Variants in BRAP observed in about 807,000 individuals in gnomAD.
The protein encoded by BRAP is BRCA1 associated protein.
A neutral mutation model predicts 73.4 loss-of-function variants in BRAP; 42 were observed. That is an observed-to-expected ratio of 0.57 (90% confidence interval 0.45 to 0.74). The LOEUF (loss-of-function observed/expected upper bound fraction) is 0.74, where lower values mean the gene tolerates loss of function less well. BRAP is among the 30% of genes least tolerant of loss of function. BRAP has a pLI of 0.00. For missense variants in BRAP, 593 were observed against 751.4 expected (o/e 0.79, Z 2.46); for synonymous variants, 255 against 267.4 (o/e 0.95, Z 0.45).
At chr12:111,648,548 G>C (rs1343082781) in intron 11 of BRAP, among the ~76,000 whole-genome samples, 4 of 138,526 alleles carry the variant, frequency 2.9e-5, no homozygotes, top group South Asian at 2.3e-4. Flanking sequence ...GGAGGCGGAG[G>C]TTGCAGTGAA....
intron 9 of BRAP, among the ~76,000 whole-genome samples, chr12:111,657,105 G>A (rs56085333): frequency 0.015 from 2,354 of 152,172 alleles, 72 homozygotes; most frequent in African/African-American, 0.053. Context: ...GTGCAATGGC[G>A]CCATCTGGGC....
chr12:111,649,302 G>A (rs1031872132), intron 11 of BRAP, among the ~76,000 whole-genome samples: 4 of 152,060 alleles, frequency 2.6e-5, no homozygotes, highest in South Asian at 2.1e-4. Context: ...ACAGGTATGC[G>A]CCACCATGCC....
intron 5 of BRAP, among the ~76,000 whole-genome samples, chr12:111,668,732 C>G (rs1286271101): frequency 3.3e-5 from 5 of 151,708 alleles, no homozygotes; most frequent in Non-Finnish European, 7.4e-5. Flanking sequence ...TCTCGGCTCA[C>G]TGCAAGCTCC....
chr12:111,655,632 C>T lies in BRAP; in HGVS notation c.1245G>A (p.Gln415=), dbSNP rs768427478. The stretch of plus-strand genomic sequence containing the variant: ...CCCAGTAGATTCGCTGAGATTCCAG[C>T]TGGCTTGTTAGTAAATATGAATACT... ...QLEYSYLLTS[Q]LESQRIYWEN... The change falls in exon 10 of 12, where the codon CAG becomes CAA. Residue 415 remains glutamine (Q), a synonymous_variant. Coordinates refer to ENST00000419234, the MANE Select transcript of BRAP (RefSeq NM_006768.5). 1 of 1,613,168 alleles carries T rather than the reference C, an allele frequency of 6.2e-7. No homozygotes were observed. Among genetic ancestry groups the T allele is most frequent in the South Asian group, 1.1e-5 (1 of 91,058 alleles).
chr12:111,657,490 C>T (rs1474219853), intron 9 of BRAP, among the ~76,000 whole-genome samples: 1 of 152,156 alleles, frequency 6.6e-6, no homozygotes, highest in Non-Finnish European at 1.5e-5. Flanking sequence ...TACTATCAGA[C>T]CTTTAAGAGT....
At chr12:111,663,784 A>C (rs962389095) in intron 6 of BRAP, among the ~76,000 whole-genome samples, 4 of 152,148 alleles carry the variant, frequency 2.6e-5, no homozygotes, top group African/African-American at 9.7e-5. Flanking sequence ...TGCATGTACC[A>C]AGGCTCAAAA....
intron 9 of BRAP, among the ~76,000 whole-genome samples, chr12:111,657,098 C>A (rs1886565835): frequency 6.6e-6 from 1 of 152,142 alleles, no homozygotes; most frequent in South Asian, 2.1e-4. Flanking sequence ...GGCTGGAGTG[C>A]AATGGCGCCA....
chr12:111,650,109 A>G, intron 10 of BRAP, 67 bp from the exon 11 acceptor site: 3 of 1,150,052 alleles, frequency 2.6e-6, no homozygotes, highest in Non-Finnish European at 3.8e-6. Flanking sequence ...TGGGACCAAC[A>G]TCATATTTTT....
rs780141163 is a variant in BRAP, at chr12:111,649,981, T to C, written c.1373A>G (p.Lys458Arg). ...TIEKCDNLEH[K>R]LNDLLKEKQS... ...CTTTTCTTTTAGGAGATCATTTAGTTTGTGCTCTAGATTATCACACTTCTC... is the reference window on the plus strand; with the variant it reads ...CTTTTCTTTTAGGAGATCATTTAGTCTGTGCTCTAGATTATCACACTTCTC... Residue 458 changes from lysine (K) to arginine (R), a missense_variant, in exon 11 of 12, where the codon AAA becomes AGA. Physicochemically the swap from Lys to Arg is conservative, Grantham distance 26 (BLOSUM62 2). This residue lies in a region of BRAP where 143 missense variants were observed against 190.4 expected (regional missense o/e 0.75). Coordinates refer to ENST00000419234, the MANE Select transcript of BRAP (RefSeq NM_006768.5). 5 of 1,612,508 alleles carry C rather than the reference T, an allele frequency of 3.1e-6. No homozygotes were observed. The Admixed American group carries it at 5.0e-5, about 16-fold the overall frequency.
chr12:111,680,151 T>G (rs972903114), intron 3 of BRAP, among the ~76,000 whole-genome samples: 1 of 151,164 alleles, frequency 6.6e-6, no homozygotes, highest in African/African-American at 2.4e-5. Context: ...GAGATGGGGT[T>G]TCACTATGTT....
At chr12:111,646,360 C>T (rs906058274) in intron 11 of BRAP, among the ~76,000 whole-genome samples, 4 of 152,174 alleles carry the variant, frequency 2.6e-5, no homozygotes, top group African/African-American at 9.7e-5. Context: ...ATTTGAGATA[C>T]TATTTTTATG....
At chr12:111,651,225 TTA>T (rs1566111177) in intron 10 of BRAP, among the ~76,000 whole-genome samples, 224 of 147,062 alleles carry the variant, frequency 1.5e-3, no homozygotes, top group African/African-American at 5.7e-3. Context: ...AGCACTAGCT[TTA>T]ATAATAATAA....
At position 111,672,641 on chromosome 12, in the gene BRAP, T is replaced by C. The variant is rs770515982; in HGVS notation, c.747+20A>G. 8.6e-5 allele frequency: 137 copies of C among 1,586,238 alleles called. No individual in the cohort carries two copies. The highest frequency in any genetic ancestry group is 1.1e-4 in the Non-Finnish European group (122 of 1,158,378). On this transcript the variant is annotated intron_variant, in intron 5 of 11. Coordinates refer to ENST00000419234, the MANE Select transcript of BRAP (RefSeq NM_006768.5). ...CAATCTGATATATTTTAATTAAATA[T>C]AGGAACAATTCACACTTACATCTTC...
rs200004698 is a variant in BRAP, at chr12:111,679,218, T to C, written c.566A>G (p.Glu189Gly). 26 of 1,609,958 alleles carry C rather than the reference T, an allele frequency of 1.6e-5. 1 individual carries two copies. Among genetic ancestry groups the C allele is most frequent in the Non-Finnish European group, 2.0e-5 (24 of 1,177,666 alleles). The change falls in exon 4 of 12, where the codon GAA becomes GGA. Residue 189 changes from glutamate (E) to glycine (G), a missense_variant. Physicochemically the swap from Glu to Gly is moderately conservative, Grantham distance 98. Transcript: ENST00000419234. ...KFVAPFNEVI[E>G]QMKIIRDSTP... ...AGAGTCTCTGATAATTTTCATTTGT[T>C]CAATTACTTCGTTAAATGGGGCAAC... is the stretch of plus-strand genomic sequence containing the variant.
rs957107769 is a variant in BRAP at position 111,643,126 on chromosome 12, A to G, written c.*1073T>C. 3 of 152,146 alleles carry G rather than the reference A, an allele frequency of 2.0e-5. No individual in the cohort carries two copies. Among genetic ancestry groups the G allele is most frequent in the Admixed American group, 1.3e-4 (2 of 15,258 alleles). The allele number at this position is 152,146 out of a possible 1,614,324, so 9.4% of individuals were successfully genotyped here. A position where few individuals can be genotyped will look rare whatever the true frequency, so the allele number is the denominator to read the frequency against. On this transcript the variant is annotated 3_prime_UTR_variant, in exon 12 of 12. Coordinates refer to ENST00000419234, the MANE Select transcript of BRAP (RefSeq NM_006768.5). ...TTATTTGACATTTATGGTTCCAGAGAGAGTACACAGCCCCTCTGTTGGCCC... is the reference window on the plus strand; with the variant it reads ...TTATTTGACATTTATGGTTCCAGAGGGAGTACACAGCCCCTCTGTTGGCCC...
chr12:111,667,784 T>C (rs946238714), intron 5 of BRAP, among the ~76,000 whole-genome samples: 3 of 148,856 alleles, frequency 2.0e-5, no homozygotes, highest in Non-Finnish European at 4.4e-5. Flanking sequence ...TCACAAAGTA[T>C]ATGTGGTGAG....
intron 11 of BRAP, among the ~76,000 whole-genome samples, chr12:111,647,256 G>C (rs1051336068): frequency 6.6e-6 from 1 of 152,082 alleles, no homozygotes; most frequent in Non-Finnish European, 1.5e-5. Context: ...AGGCAACACA[G>C]CAAGACCTTA....
At chr12:111,653,680 A>ATCTC (rs1461693370) in intron 10 of BRAP, among the ~76,000 whole-genome samples, 49 of 152,058 alleles carry the variant, frequency 3.2e-4, no homozygotes, top group Admixed American at 3.2e-3. Context: ...ACAAACAAGA[A>ATCTC]TCTCTGTCAG....
chr12:111,679,321 C>T lies in BRAP; in HGVS notation c.463G>A (p.Glu155Lys). Residue 155 changes from glutamate (E) to lysine (K), a missense_variant, in exon 4 of 12, where the codon GAA becomes AAA. Glu to Lys is a moderately conservative substitution (Grantham distance 56). This residue lies in a region of BRAP where 304 missense variants were observed against 337.7 expected (regional missense o/e 0.90). Coordinates refer to ENST00000419234, the MANE Select transcript of BRAP (RefSeq NM_006768.5). ...AGCATGGCACTGCGCCGCACATCTT[C>T]TTTTAAGGAGGTCATCTTACTAACA... is the stretch of plus-strand genomic sequence containing the variant. Reference protein sequence around the residue: ...YKTNKMTSLKEDVRRSAMLCI... With the variant: ...YKTNKMTSLKKDVRRSAMLCI... 6.5e-7 allele frequency: 1 copy of T among 1,542,976 alleles called. No individual in the cohort carries two copies. The highest frequency in any genetic ancestry group is 8.8e-7 in the Non-Finnish European group (1 of 1,140,684).
Sources: allele counts gnomAD v4.1 joint callset (sites outside exome capture counted in the v4.1 genomes callset), GRCh38; gene constraint gnomAD v4.1.1; regional missense constraint gnomAD v4.1.1; transcripts MANE v1.5; gene names NCBI Gene and HGNC (gene_info 2026-07-23, HGNC 2026-07-21).